JAKMIP3: variants seen among roughly 807,000 people sequenced by gnomAD.
JAKMIP3 encodes the protein janus kinase and microtubule-interacting protein 3.
Under a neutral mutation model 118.5 loss-of-function variants are expected in JAKMIP3, and 58 were observed. That is an observed-to-expected ratio of 0.49 (90% confidence interval 0.40 to 0.61). The LOEUF is 0.61. Among genes scored for constraint, JAKMIP3 ranks in the 20% least tolerant of loss-of-function variants. The pLI is 0.00. For synonymous variants in JAKMIP3, 486 were observed against 451.2 expected, an observed-to-expected ratio of 1.08 and a Z score of -0.98; for missense variants, 950 against 1,109.0, an observed-to-expected ratio of 0.86 and a Z score of 2.04.
chr10:132,081,545 T>C (rs1771063542), intron 1 of JAKMIP3, among the ~76,000 whole-genome samples: 1 of 152,142 alleles, frequency 6.6e-6, no homozygotes, highest in South Asian at 2.1e-4. Context: ...CTGAGTCTTG[T>C]CTGTTCTTAT....
intron 14 of JAKMIP3, among the ~76,000 whole-genome samples, chr10:132,148,572 C>T (rs544594378): frequency 2.6e-5 from 4 of 152,318 alleles, no homozygotes; most frequent in African/African-American, 7.2e-5. Context: ...GGGGCTCTGT[C>T]CAGGCCTCCG....
chr10:132,153,006 C>G lies in JAKMIP3; in HGVS notation c.2056C>G (p.Leu686Val), dbSNP rs146195956. 2.5e-6 allele frequency: 4 copies of G among 1,608,714 alleles called. No individual in the cohort carries two copies. In the South Asian group the frequency reaches 4.5e-5, roughly 18 times the overall value. Reference sequence around the variant, plus strand: ...GGTTGTCATACAAGCCAGGACAGTCCTGACCTTGGCCGAAAAGGTAACAGC... The same window carrying G: ...GGTTGTCATACAAGCCAGGACAGTCGTGACCTTGGCCGAAAAGGTAACAGC... ...QVVVIQARTV[L>V]TLAEKWLQQI... Residue 686 changes from leucine to valine, a missense_variant, in exon 17 of 24, where the codon CTG (leucine) becomes GTG (valine). By Grantham distance (32) the Leu-to-Val change is conservative (BLOSUM62 1). Transcript: ENST00000684848.
intron 20 of JAKMIP3, among the ~76,000 whole-genome samples, chr10:132,163,997 C>T (rs2058644893): frequency 1.3e-5 from 2 of 152,342 alleles, no homozygotes; most frequent in Admixed American, 6.5e-5. Flanking sequence ...CACGGCCCAG[C>T]TTCTCCGTGA....
intron 15 of JAKMIP3, 28 bp from the exon 16 acceptor site, chr10:132,149,952 ACT>A: frequency 9.2e-7 from 1 of 1,083,208 alleles, no homozygotes; most frequent in Non-Finnish European, 1.2e-6. Context: ...CCCCGTGGCC[ACT>A]CACCCCTACC....
intron 23 of JAKMIP3, among the ~76,000 whole-genome samples, chr10:132,181,713 A>G (rs1345648837): frequency 6.6e-6 from 1 of 152,202 alleles, no homozygotes; most frequent in Non-Finnish European, 1.5e-5. Flanking sequence ...CTTAGAAGTT[A>G]GGTTAAATCA....
At chr10:132,100,672 G>A (rs1233380791) in intron 1 of JAKMIP3, among the ~76,000 whole-genome samples, 1 of 152,164 alleles carries the variant, frequency 6.6e-6, no homozygotes, top group Admixed American at 6.5e-5. Flanking sequence ...GTGGGGAAAG[G>A]AGATGCCTCC....
chr10:132,165,821 C>G (rs73399707), intron 21 of JAKMIP3, among the ~76,000 whole-genome samples: 1 of 152,220 alleles, frequency 6.6e-6, no homozygotes, highest in Non-Finnish European at 1.5e-5. Context: ...TCCTGAGGAA[C>G]GAGTTACTCA....
chr10:132,159,598 G>GCTGGGGGTCC (rs2057673583), intron 19 of JAKMIP3, among the ~76,000 whole-genome samples: 1 of 74,478 alleles, frequency 1.3e-5, no homozygotes, highest in Non-Finnish European at 2.6e-5. Context: ...CTGGGGGCAT[G>GCTGGGGGTCC]TCTTCCTATG....
chr10:132,152,840 C>A (rs537749193), intron 16 of JAKMIP3, 118 bp from the exon 17 acceptor site: 1 of 734,272 alleles, frequency 1.4e-6, no homozygotes, highest in Non-Finnish European at 2.4e-6. Flanking sequence ...TTAGCTCTGG[C>A]CCCCACCCAG....
rs781303731 is a variant in JAKMIP3, at chr10:132,149,454, C to G, written c.1891C>G (p.Pro631Ala). 1.9e-6 allele frequency: 3 copies of G among 1,606,956 alleles called. No individual in the cohort carries two copies. The highest frequency in any genetic ancestry group is 8.5e-7 in the Non-Finnish European group (1 of 1,177,624). ...ACCCGCCATCAGCTTCCACCACACG[C>G]CCTTCGTGGACGGGAAGAGCCCCCT... ...KSPAISFHHTPFVDGKSPLQV... is the reference protein window; with the variant it reads ...KSPAISFHHTAFVDGKSPLQV... The change falls in exon 15 of 24, where the codon CCC becomes GCC. Residue 631 changes from proline to alanine, a missense_variant. Coordinates refer to ENST00000684848, the MANE Select transcript of JAKMIP3 (RefSeq NM_001323087.2).
Position 132,133,387 on chromosome 10 carries a change from C to T in JAKMIP3, c.709C>T (p.Gln237Ter), listed in dbSNP as rs1187864138. 6.2e-7 allele frequency: 1 copy of T among 1,602,042 alleles called. No individual in the cohort carries two copies. Among genetic ancestry groups the T allele is most frequent in the East Asian group, 2.3e-5 (1 of 44,370 alleles). Residue 237 changes from glutamine (Q) to a stop codon, truncating the protein, a stop_gained, in exon 4 of 24, where the codon CAG becomes TAG. Transcript: ENST00000684848. LOFTEE classifies it high-confidence loss of function. ...RELGVQAGHA[Q>*]RLQLQKEALD... ...GTTAGGGGTTCAAGCCGGGCATGCT[C>T]AGAGACTGCAGCTCCAAAAAGAGGC...
intron 11 of JAKMIP3, among the ~76,000 whole-genome samples, chr10:132,142,495 G>GGCCCCT (rs1337898654): frequency 6.6e-6 from 1 of 151,816 alleles, no homozygotes; most frequent in African/African-American, 2.4e-5. Flanking sequence ...CCCCGGCCCC[G>GGCCCCT]GCCCCTCTCC....
chr10:132,096,028 G>A (rs1403358316), intron 1 of JAKMIP3, among the ~76,000 whole-genome samples: 4 of 151,770 alleles, frequency 2.6e-5, no homozygotes, highest in African/African-American at 9.7e-5. Context: ...AGCAGGTGCT[G>A]TGGTCTTGGG....
At chr10:132,140,892 C>T (rs186607157) in intron 10 of JAKMIP3, among the ~76,000 whole-genome samples, 36 of 152,324 alleles carry the variant, frequency 2.4e-4, no homozygotes, top group African/African-American at 5.5e-4. Context: ...CATAGGGGTA[C>T]GGTGAGCTCT....
chr10:132,145,039 A>G, intron 11 of JAKMIP3, 68 bp from the exon 12 acceptor site: 1 of 1,343,972 alleles, frequency 7.4e-7, no homozygotes, highest in South Asian at 1.2e-5. Flanking sequence ...CTGACGTCCC[A>G]CGAGTGTGTG....
intron 23 of JAKMIP3, among the ~76,000 whole-genome samples, chr10:132,175,836 A>T (rs2060090143): frequency 1.3e-5 from 2 of 152,246 alleles, no homozygotes; most frequent in African/African-American, 4.8e-5. Flanking sequence ...CACTTAAAAG[A>T]AATGTGTAAT....
chr10:132,135,177 G>T lies in JAKMIP3; in HGVS notation c.969+17G>T, dbSNP rs778285718. ...AATGAGCTGGTGAGCGCGGGCGGGGGCTTCTGGCTCCTGGGGGTTTGTGAC... is the reference window on the plus strand; with the variant it reads ...AATGAGCTGGTGAGCGCGGGCGGGGTCTTCTGGCTCCTGGGGGTTTGTGAC... On this transcript the variant is annotated intron_variant, in intron 5 of 23. Transcript: ENST00000684848. 5.0e-6 allele frequency: 8 copies of T among 1,589,186 alleles called. No individual in the cohort carries two copies. The highest frequency in any genetic ancestry group is 3.4e-6 in the Non-Finnish European group (4 of 1,162,648).
At chr10:132,133,785 C>A (rs1369485119) in intron 4 of JAKMIP3, among the ~76,000 whole-genome samples, 2 of 152,242 alleles carry the variant, frequency 1.3e-5, no homozygotes, top group Non-Finnish European at 2.9e-5. Context: ...CTCCCGTGGG[C>A]CCCGGCCTCA....
At chr10:132,040,312 C>G (rs950117423) in intron 1 of JAKMIP3, among the ~76,000 whole-genome samples, 1 of 152,164 alleles carries the variant, frequency 6.6e-6, no homozygotes, top group Non-Finnish European at 1.5e-5. Context: ...ACTTCCAGCT[C>G]CAGAACTGCG....
Sources: gnomAD v4.1 joint callset for allele counts (sites outside exome capture counted in the v4.1 genomes callset) on GRCh38, gnomAD v4.1.1 for gene constraint, MANE v1.5 for transcripts, NCBI Gene and HGNC (gene_info 2026-07-23, HGNC 2026-07-21) for gene names.